Variants in CDH18 observed in about 807,000 individuals in gnomAD.
CDH18 encodes cadherin 18, also known as cadherin-18.
Under a neutral mutation model 67.9 loss-of-function variants are expected in CDH18, and 31 were observed. That is an observed-to-expected ratio of 0.46 (90% CI 0.34 to 0.62). CDH18 has a LOEUF of 0.62. Among genes scored for constraint, CDH18 ranks in the 20% least tolerant of loss-of-function variants. The probability of loss-of-function intolerance (pLI) is 0.01; values close to 1 mark genes in which losing one functional copy is unlikely to be tolerated. For synonymous variants in CDH18, 362 were observed against 347.2 expected (o/e 1.04, Z -0.48); for missense variants, 890 against 975.5 (o/e 0.91, Z 1.17).
intron 5 of CDH18, among the ~76,000 whole-genome samples, chr5:19,690,729 G>A (rs1353935840): frequency 6.6e-6 from 1 of 151,596 alleles, no homozygotes; most frequent in Non-Finnish European, 1.5e-5. Flanking sequence ...ATTAATTCAA[G>A]AAGAAATAGA....
chr5:19,867,538 T>C (rs1785695006), intron 2 of CDH18, among the ~76,000 whole-genome samples: 1 of 152,212 alleles, frequency 6.6e-6, no homozygotes, highest in Non-Finnish European at 1.5e-5. Context: ...ACTTGGAATA[T>C]AGGCTATTCA....
At chr5:20,060,863 C>G (rs890790187) in intron 2 of CDH18, among the ~76,000 whole-genome samples, 1 of 151,492 alleles carries the variant, frequency 6.6e-6, no homozygotes, top group South Asian at 2.1e-4. Flanking sequence ...AAGAAAACAA[C>G]AATTTTCTAG....
At chr5:19,709,695 GA>G (rs1249890847) in intron 5 of CDH18, among the ~76,000 whole-genome samples, 4 of 138,436 alleles carry the variant, frequency 2.9e-5, no homozygotes, top group African/African-American at 5.3e-5. Context: ...AAAAGAAAAG[GA>G]AAAAAAAGAA....
chr5:19,654,516 G>A (rs1013278413), intron 5 of CDH18, among the ~76,000 whole-genome samples: 3 of 152,164 alleles, frequency 2.0e-5, no homozygotes, highest in African/African-American at 7.2e-5. Flanking sequence ...GAGGGAGCAC[G>A]CAGACAGGCG....
At chr5:20,318,015 T>C (rs1159002766) in intron 1 of CDH18, among the ~76,000 whole-genome samples, 1 of 150,412 alleles carries the variant, frequency 6.6e-6, no homozygotes, top group African/African-American at 2.5e-5. Flanking sequence ...TTGAAGATAC[T>C]GGAGTAATGA....
rs531379970 is a variant in CDH18, at chr5:19,870,881, G to A, written c.-256-31639C>T. Among the ~76,000 whole-genome samples, 8 of 152,228 alleles carry A rather than the reference G, an allele frequency of 5.3e-5. No individual in the cohort carries two copies. The East Asian group carries it at 1.5e-3, about 29-fold the overall frequency. On this transcript the variant is annotated intron_variant, in intron 2 of 12. Transcript: ENST00000382275. Reference sequence around the variant, plus strand: ...GCCACCAGTTTGTGGCCTTCATTGTGAATTCAGTCATCTTTTCTTTGTATG... The same window carrying A: ...GCCACCAGTTTGTGGCCTTCATTGTAAATTCAGTCATCTTTTCTTTGTATG...
intron 5 of CDH18, among the ~76,000 whole-genome samples, chr5:19,621,056 T>C (rs1329652269): frequency 6.6e-6 from 1 of 152,140 alleles, no homozygotes; most frequent in Non-Finnish European, 1.5e-5. Context: ...AATTAAACTG[T>C]AGACTTTCAC....
chr5:19,990,974 T>C (rs1221963821), upstream of CDH18, among the ~76,000 whole-genome samples: 1 of 152,206 alleles, frequency 6.6e-6, no homozygotes, highest in Non-Finnish European at 1.5e-5. Flanking sequence ...ACATTTCTGA[T>C]ACTGAATTCC....
intron 2 of CDH18, among the ~76,000 whole-genome samples, chr5:19,941,793 A>G (rs1012326152): frequency 5.9e-5 from 9 of 152,028 alleles, no homozygotes; most frequent in Non-Finnish European, 7.4e-5. Flanking sequence ...CCTCTCAAAA[A>G]AAACAAAAAA....
chr5:20,357,677 G>C (rs1275485907), intron 1 of CDH18, among the ~76,000 whole-genome samples: 2 of 152,112 alleles, frequency 1.3e-5, no homozygotes, highest in Admixed American at 6.6e-5. Flanking sequence ...GTGAGGCTGT[G>C]GAGAAAATGG....
At chr5:20,307,750 A>G (rs1287072344) in intron 1 of CDH18, among the ~76,000 whole-genome samples, 2 of 150,736 alleles carry the variant, frequency 1.3e-5, no homozygotes, top group African/African-American at 5.0e-5. Context: ...ATACAGTGTG[A>G]TTATTGTGTG....
At chr5:19,599,990 T>C (rs1746824662) in intron 6 of CDH18, among the ~76,000 whole-genome samples, 1 of 152,038 alleles carries the variant, frequency 6.6e-6, no homozygotes, top group African/African-American at 2.4e-5. Context: ...GGAGAGACAG[T>C]GAGCACTGGA....
chr5:20,130,072 ATTG>A (rs1373662983), intron 2 of CDH18, among the ~76,000 whole-genome samples: 33 of 59,684 alleles, frequency 5.5e-4, no homozygotes, highest in Admixed American at 1.0e-3. Context: ...TATTATTATT[ATTG>A]TTATTATTAT....
chr5:20,400,598 C>CA (rs368604780), intron 1 of CDH18, among the ~76,000 whole-genome samples: 42,930 of 145,892 alleles, frequency 0.29, 6,519 homozygotes, highest in East Asian at 0.5. Flanking sequence ...ACTAAAAATA[C>CA]AAAAAAAAAA....
chr5:20,113,703 A>C (rs899159655), intron 2 of CDH18, among the ~76,000 whole-genome samples: 1 of 152,220 alleles, frequency 6.6e-6, no homozygotes, highest in African/African-American at 2.4e-5. Flanking sequence ...GCAAGACAAT[A>C]ACAGAAATAA....
At chr5:20,506,755 C>T (rs1754686350) in intron 1 of CDH18, among the ~76,000 whole-genome samples, 1 of 152,204 alleles carries the variant, frequency 6.6e-6, no homozygotes, top group African/African-American at 2.4e-5. Context: ...AACTAATGTA[C>T]TGCTAATTTT....
At chr5:20,368,131 A>G (rs2150080618) in intron 1 of CDH18, among the ~76,000 whole-genome samples, 1 of 152,350 alleles carries the variant, frequency 6.6e-6, no homozygotes, top group Middle Eastern at 3.4e-3. Flanking sequence ...TATAGCAAAT[A>G]TTGAAAGCTT....
At chr5:20,292,197 A>ATG (rs1747154650) in intron 1 of CDH18, among the ~76,000 whole-genome samples, 1 of 152,148 alleles carries the variant, frequency 6.6e-6, no homozygotes, top group Admixed American at 6.6e-5. Context: ...CTTATTTTTT[A>ATG]TGTCTGTTAG....
chr5:20,334,570 G>A (rs1412356234), intron 1 of CDH18, among the ~76,000 whole-genome samples: 3 of 152,106 alleles, frequency 2.0e-5, no homozygotes, highest in Non-Finnish European at 4.4e-5. Flanking sequence ...AACGACATGA[G>A]TCCCAGAGAG....
Sources: gnomAD v4.1 joint callset for allele counts (sites outside exome capture counted in the v4.1 genomes callset) on GRCh38, gnomAD v4.1.1 for gene constraint, MANE v1.5 for transcripts, NCBI Gene and HGNC (gene_info 2026-07-23, HGNC 2026-07-21) for gene names.